The following DPYSL4 variants were observed in gnomAD, a reference collection of about 807,000 sequenced individuals.
The protein encoded by DPYSL4 is dihydropyrimidinase-related protein 4.
DPYSL4 carries 43 observed loss-of-function variants against 63.4 expected under a neutral mutation model. That is an observed-to-expected ratio of 0.68 (90% CI 0.53 to 0.88). DPYSL4 has a LOEUF of 0.88. DPYSL4 is among the 40% of genes least tolerant of loss of function. The probability of loss-of-function intolerance (pLI) is 0.00; values close to 1 mark genes in which losing one functional copy is unlikely to be tolerated. For missense variants in DPYSL4, 733 were observed against 819.5 expected (o/e 0.89, Z 1.29); for synonymous variants, 353 against 331.7 (o/e 1.06, Z -0.70).
In DPYSL4 at chr10:132,200,997, T is replaced by C. The variant is rs917849037; in HGVS notation, c.1110+14T>C. 2.5e-6 allele frequency: 4 copies of C among 1,611,694 alleles called. No homozygotes were observed. The highest frequency in any genetic ancestry group is 1.7e-4 in the Middle Eastern group (1 of 6,056). On this transcript the variant is annotated intron_variant, in intron 10 of 13. Coordinates refer to ENST00000338492, the MANE Select transcript of DPYSL4 (RefSeq NM_006426.3). ...GAGAAATGTGTGGTGAGCACAGGCC[T>C]GGCCGGGGCACGCCGTCTGGGGAGC...
chr10:132,203,910 C>A lies in DPYSL4; in HGVS notation c.1610C>A (p.Ser537Ter). ...CCTCCTGTGCGCAACCTACATCAGT[C>A]GGGGTTCAGCCTATCTGGTGAGTTG... ...SVPPVRNLHQ[S>*]GFSLSGSQAD... The change falls in exon 13 of 14, where the codon TCG (serine) becomes TAG (stop). Residue 537 changes from serine (S) to a stop codon, truncating the protein, a stop_gained. Transcript: ENST00000338492. LOFTEE classifies it high-confidence loss of function. The A allele has an allele frequency of 6.2e-7, 1 of 1,605,626 alleles. No individual in the cohort carries two copies. The highest frequency in any genetic ancestry group is 8.5e-7 in the Non-Finnish European group (1 of 1,173,882).
At chr10:132,197,222 T>C in intron 6 of DPYSL4, 121 bp downstream of exon 6, 1 of 898,960 alleles carries the variant, frequency 1.1e-6, no homozygotes, top group Non-Finnish European at 1.6e-6. Context: ...CAGCACAGAA[T>C]CCCACAAAAC....
At position 132,192,792 on chromosome 10, in the gene DPYSL4, A is replaced by G. The variant is rs777674348; in HGVS notation, c.263A>G (p.Asp88Gly). Residue 88 changes from aspartate (D) to glycine (G), a missense_variant, in exon 3 of 14, where the codon GAC (aspartate) becomes GGC (glycine). Physicochemically the swap from Asp to Gly is moderately conservative, Grantham distance 94. Transcript: ENST00000338492. ...GTCCTGGGCATGACACCGGCTGACG[A>G]CTTCTGTCAGGGCACCAAGGCAGCG... ...MPVLGMTPAD[D>G]FCQGTKAALA... is the part of the protein sequence containing the mutation. The G allele has an allele frequency of 1.9e-6, 3 of 1,612,940 alleles. No individual in the cohort carries two copies. In the East Asian group the frequency reaches 6.7e-5, roughly 36 times the overall value.
intron 1 of DPYSL4, among the ~76,000 whole-genome samples, chr10:132,189,968 C>T (rs1340118426): frequency 6.6e-6 from 1 of 152,234 alleles, no homozygotes; most frequent in Non-Finnish European, 1.5e-5. Flanking sequence ...CCTCGGCCTC[C>T]TCCCAGGTCT....
Position 132,205,588 on chromosome 10 carries a change from G to C in DPYSL4, c.*658G>C, listed in dbSNP as rs2062087014. 6.6e-6 allele frequency: 1 copy of C among 152,482 alleles called. No individual in the cohort carries two copies. The highest frequency in any genetic ancestry group is 1.5e-5 in the Non-Finnish European group (1 of 68,112). The allele number at this position is 152,482 out of a possible 1,614,324, so 9.4% of individuals were successfully genotyped here. ...TCCAGGGAAGTTTTGCGATCCTTTA[G>C]GAAGACACTGTCCTCTTATTACAGA... On this transcript the variant is annotated 3_prime_UTR_variant, in exon 14 of 14. Coordinates refer to ENST00000338492, the MANE Select transcript of DPYSL4 (RefSeq NM_006426.3).
chr10:132,188,039 A>C (rs1015920544), intron 1 of DPYSL4, among the ~76,000 whole-genome samples: 5 of 151,936 alleles, frequency 3.3e-5, no homozygotes, highest in African/African-American at 7.3e-5. Flanking sequence ...GCGAGGAAGG[A>C]GCCCTCCCCT....
intron 3 of DPYSL4, among the ~76,000 whole-genome samples, chr10:132,194,239 C>A (rs1300682526): frequency 6.6e-6 from 1 of 152,240 alleles, no homozygotes; most frequent in Non-Finnish European, 1.5e-5. Context: ...GGCGGGTGCG[C>A]CCTCCTGTCC....
In DPYSL4 at chr10:132,200,937, C is replaced by T. The variant is rs760552134; in HGVS notation, c.1064C>T (p.Thr355Ile). The T allele has an allele frequency of 3.1e-6, 5 of 1,613,340 alleles. No individual in the cohort carries two copies. The highest frequency in any genetic ancestry group is 4.2e-6 in the Non-Finnish European group (5 of 1,179,984). ...AACTTCGCGCTGATCCCCGAGGGCA[C>T]CAACGGCATTGAGGAGCGCATGTCG... ...KDNFALIPEG[T>I]NGIEERMSMV... Residue 355 changes from threonine to isoleucine, a missense_variant, in exon 10 of 14, where the codon ACC becomes ATC. Transcript: ENST00000338492.
Position 132,194,829 on chromosome 10 carries a change from C to T in DPYSL4, c.314-16C>T. ...GGGACCAGTGGGGGAAGCTGCTGAC[C>T]ATGCTGCCTTCACAGTGGACCACGT... On this transcript the variant is annotated splice_polypyrimidine_tract_variant and intron_variant, in intron 3 of 13. Transcript: ENST00000338492. 1 of 1,609,210 alleles carries T rather than the reference C, an allele frequency of 6.2e-7. No individual in the cohort carries two copies. The highest frequency in any genetic ancestry group is 8.5e-7 in the Non-Finnish European group (1 of 1,177,332).
chr10:132,190,653 T>C (rs2061862403), intron 1 of DPYSL4, 94 bp from the exon 2 acceptor site: 4 of 1,242,016 alleles, frequency 3.2e-6, no homozygotes, highest in Non-Finnish European at 3.4e-6. Context: ...TTTGCCTGAA[T>C]GTTTCAGTCA....
At chr10:132,200,202 A>G (rs1305901596) in intron 8 of DPYSL4, among the ~76,000 whole-genome samples, 154 bp from the exon 9 acceptor site, 1 of 151,922 alleles carries the variant, frequency 6.6e-6, no homozygotes, top group Non-Finnish European at 1.5e-5. Context: ...CCTCTGCCCC[A>G]CTTCCTGCCC....
At chr10:132,188,610 G>A (rs1054712112) in intron 1 of DPYSL4, among the ~76,000 whole-genome samples, 5 of 152,232 alleles carry the variant, frequency 3.3e-5, no homozygotes, top group African/African-American at 1.2e-4. Flanking sequence ...CAGCTCTGTA[G>A]ACCAAGGGTC....
intron 2 of DPYSL4, among the ~76,000 whole-genome samples, 191 bp downstream of exon 2, chr10:132,191,026 AT>A (rs2061867751): frequency 3.3e-5 from 5 of 149,856 alleles, no homozygotes; most frequent in Admixed American, 2.0e-4. Flanking sequence ...AGTTGAAAGT[AT>A]GTTCCCAGCT....
chr10:132,188,620 C>G (rs1455798696), intron 1 of DPYSL4, among the ~76,000 whole-genome samples: 1 of 152,228 alleles, frequency 6.6e-6, no homozygotes, highest in Non-Finnish European at 1.5e-5. Flanking sequence ...GACCAAGGGT[C>G]TAAAACTTCT....
intron 10 of DPYSL4, among the ~76,000 whole-genome samples, chr10:132,201,589 AGCGTTCTTACCCCAGGGGTTACTCAG>A (rs1356505586): frequency 3.3e-5 from 5 of 152,240 alleles, no homozygotes; most frequent in African/African-American, 7.2e-5. Flanking sequence ...TCACCAGTGC[AGCGTTCTTACCCCAGGGGTTACTCAG>A]GCGTTCTTAC....
intron 3 of DPYSL4, 69 bp downstream of exon 3, chr10:132,192,911 T>C: frequency 6.8e-7 from 1 of 1,479,214 alleles, no homozygotes; most frequent in Non-Finnish European, 9.1e-7. Flanking sequence ...TGGCCAGGTG[T>C]GTGTGGGAGG....
At chr10:132,196,335 C>T (rs1330407058) in intron 4 of DPYSL4, among the ~76,000 whole-genome samples, 1 of 152,218 alleles carries the variant, frequency 6.6e-6, no homozygotes, top group African/African-American at 2.4e-5. Flanking sequence ...CATCCTTCTG[C>T]TCGTCCTAAG....
intron 12 of DPYSL4, 75 bp from the exon 13 acceptor site, chr10:132,203,687 A>G (rs1402851383): frequency 7.5e-7 from 1 of 1,330,262 alleles, no homozygotes. Context: ...TCAGCCCCTC[A>G]TGCCCCATCT....
At chr10:132,201,606 G>A (rs1201947175) in intron 10 of DPYSL4, among the ~76,000 whole-genome samples, 1 of 152,242 alleles carries the variant, frequency 6.6e-6, no homozygotes, top group Non-Finnish European at 1.5e-5. Flanking sequence ...TTACCCCAGG[G>A]GTTACTCAGG....
Sources: allele counts gnomAD v4.1 joint callset (sites outside exome capture counted in the v4.1 genomes callset), GRCh38; gene constraint gnomAD v4.1.1; transcripts MANE v1.5; gene names NCBI Gene and HGNC (gene_info 2026-07-23, HGNC 2026-07-21).